Variants in CCND3 observed in about 807,000 individuals in gnomAD.
CCND3 encodes cyclin D3.
A neutral mutation model predicts 28.7 loss-of-function variants in CCND3; 9 were observed. The observed-to-expected ratio is 0.31, with a 90% CI of 0.19 to 0.55. The LOEUF is 0.55. Ranked by LOEUF, CCND3 falls within the 20% of genes least tolerant of loss-of-function variation. CCND3 has a pLI of 0.93. For missense variants in CCND3, 315 were observed against 385.8 expected (o/e 0.82, Z 1.54); for synonymous variants, 164 against 163.9 (o/e 1.00, Z 0.00).
chr6:42,005,880 TCA>T (rs1039775611), intron 1 of CCND3, among the ~76,000 whole-genome samples: 1 of 152,036 alleles, frequency 6.6e-6, no homozygotes. Flanking sequence ...AGACGGGGTT[TCA>T]CCATGTTGGC....
chr6:41,979,878 C>A (rs1762290342), intron 1 of CCND3, among the ~76,000 whole-genome samples: 1 of 151,784 alleles, frequency 6.6e-6, no homozygotes, highest in Non-Finnish European at 1.5e-5. Flanking sequence ...TCAAGTGATC[C>A]CCCTGCCTCG....
chr6:41,992,058 G>T (rs1259544280), intron 1 of CCND3, among the ~76,000 whole-genome samples: 1 of 152,186 alleles, frequency 6.6e-6, no homozygotes, highest in Non-Finnish European at 1.5e-5. Flanking sequence ...TAAATACGGA[G>T]GTGTGGATGT....
At chr6:42,009,031 TC>T (rs1304534516) in intron 1 of CCND3, among the ~76,000 whole-genome samples, 1 of 152,004 alleles carries the variant, frequency 6.6e-6, no homozygotes, top group East Asian at 1.9e-4. Context: ...TAAGCCAGAG[TC>T]CCATCCAAAT....
At chr6:42,027,738 T>TTG (rs1554167610) in intron 1 of CCND3, among the ~76,000 whole-genome samples, 2 of 151,728 alleles carry the variant, frequency 1.3e-5, no homozygotes, top group African/African-American at 4.9e-5. Flanking sequence ...CCTCAGTTTT[T>TTG]TTTGTTTGTT....
Position 41,937,319 on chromosome 6 carries a change from T to C in CCND3, c.490A>G (p.Ile164Val), listed in dbSNP as rs1775837008. The C allele has an allele frequency of 1.2e-6, 2 of 1,614,122 alleles. No homozygotes were observed. Among genetic ancestry groups the C allele is most frequent in the Non-Finnish European group, 8.5e-7 (1 of 1,180,018 alleles). The stretch of plus-strand genomic sequence containing the variant: ...CGGGGCAGAGAGAGCCGGTGCAGAA[T>C]GAAGGCCAGGAAATCATGTGCAATC... ...AVIAHDFLAF[I>V]LHRLSLPRDR... Residue 164 changes from isoleucine to valine, a missense_variant, in exon 3 of 5, where the codon ATT (isoleucine) becomes GTT (valine). Physicochemically the swap from Ile to Val is conservative, Grantham distance 29. Transcript: ENST00000372991.
intron 1 of CCND3, among the ~76,000 whole-genome samples, chr6:41,996,198 G>T (rs1762801918): frequency 6.7e-6 from 1 of 149,962 alleles, no homozygotes; most frequent in African/African-American, 2.5e-5. Context: ...CACCCAGGCT[G>T]GAGTGCACTG....
chr6:41,964,478 G>GTGAA (rs1761820248), intron 1 of CCND3, among the ~76,000 whole-genome samples: 2 of 115,050 alleles, frequency 1.7e-5, no homozygotes, highest in East Asian at 5.6e-4. Context: ...GTGTGTGAGT[G>GTGAA]TGTGTGAATG....
rs58133117 is a variant in CCND3, at chr6:41,952,811, A to AGTGTGTGTGTGT, written c.-45-12238_-45-12227dup. 7.8e-4 allele frequency among the ~76,000 whole-genome samples: 118 copies of AGTGTGTGTGTGT among 150,836 alleles called. 1 individual carries two copies. The highest frequency in any genetic ancestry group is 2.6e-3 in the African/African-American group (107 of 41,156). On this transcript the variant is annotated intron_variant, in intron 1 of 4. Transcript: ENST00000372988. ...TGCTCATTTTAAAGTAGTGAGTGTG[A>AGTGTGTGTGTGT]GTGTGTGTGTGTGTGTGTGTGACAT...
rs528396274 is a variant in CCND3, at chr6:41,998,710, G to A, written c.-46+49791C>T. On this transcript the variant is annotated intron_variant, in intron 1 of 4. Coordinates refer to the CCND3 transcript ENST00000372988. The stretch of plus-strand genomic sequence containing the variant: ...TTTTTTTTTTTTGAGACAGAGTTTC[G>A]CTCTTGTTGTCCAGGCTGGGGTGCA... 9.5e-4 allele frequency among the ~76,000 whole-genome samples: 142 copies of A among 150,220 alleles called. 1 individual carries two copies. Among genetic ancestry groups the A allele is most frequent in the Non-Finnish European group, 1.3e-3 (90 of 67,750 alleles).
At chr6:42,017,908 T>G (rs1039616206) in intron 1 of CCND3, among the ~76,000 whole-genome samples, 3 of 152,126 alleles carry the variant, frequency 2.0e-5, no homozygotes, top group African/African-American at 7.2e-5. Flanking sequence ...CCCGGCACTT[T>G]GGGAGGCCGA....
chr6:41,944,521 A>G (rs569864849), upstream of CCND3, among the ~76,000 whole-genome samples: 3 of 152,072 alleles, frequency 2.0e-5, no homozygotes, highest in East Asian at 5.8e-4. Flanking sequence ...TCCTGGTTTC[A>G]AGTGATTCTC....
chr6:42,044,788 T>TTTATTTA (rs1263444658), intron 1 of CCND3, among the ~76,000 whole-genome samples: 2 of 149,296 alleles, frequency 1.3e-5, no homozygotes, highest in East Asian at 2.0e-4. Context: ...TTTCCTTTTA[T>TTTATTTA]TTATTTATTT....
At chr6:42,005,696 T>A (rs1763156589) in intron 1 of CCND3, among the ~76,000 whole-genome samples, 2 of 151,970 alleles carry the variant, frequency 1.3e-5, no homozygotes, top group Admixed American at 1.3e-4. Context: ...CATTTCTTAT[T>A]TTTTTGAGAT....
At chr6:41,967,631 C>T (rs1006684340) in intron 1 of CCND3, among the ~76,000 whole-genome samples, 2 of 152,188 alleles carry the variant, frequency 1.3e-5, no homozygotes, top group Admixed American at 6.5e-5. Flanking sequence ...ATCCATCTCC[C>T]GCAGCAGCTG....
At chr6:42,020,342 G>A (rs2127432718) in intron 1 of CCND3, among the ~76,000 whole-genome samples, 1 of 152,310 alleles carries the variant, frequency 6.6e-6, no homozygotes, top group Middle Eastern at 3.4e-3. Flanking sequence ...ATGAATGCAC[G>A]TTTCCCTAGC....
chr6:42,006,034 T>G (rs962186155), intron 1 of CCND3, among the ~76,000 whole-genome samples: 29 of 151,626 alleles, frequency 1.9e-4, no homozygotes, highest in African/African-American at 4.6e-4. Context: ...GGGTGTGGTG[T>G]TGTGTGCCTG....
intron 1 of CCND3, among the ~76,000 whole-genome samples, chr6:41,971,016 C>T (rs1762020197): frequency 6.6e-6 from 1 of 152,044 alleles, no homozygotes; most frequent in African/African-American, 2.4e-5. Context: ...CTTACAGGTT[C>T]AAACGATTCT....
At chr6:42,045,046 C>T (rs1222684492) in intron 1 of CCND3, among the ~76,000 whole-genome samples, 2 of 151,068 alleles carry the variant, frequency 1.3e-5, no homozygotes, top group Non-Finnish European at 2.9e-5. Flanking sequence ...CCTCGTGATC[C>T]GCCCACCTTG....
intron 1 of CCND3, among the ~76,000 whole-genome samples, chr6:42,016,746 G>A (rs548320403): frequency 1.1e-4 from 16 of 151,938 alleles, no homozygotes; most frequent in South Asian, 8.3e-4. Context: ...CATCATGCCC[G>A]GCTAATTTTT....
Sources: gnomAD v4.1 joint callset for allele counts (sites outside exome capture counted in the v4.1 genomes callset) on GRCh38, gnomAD v4.1.1 for gene constraint, MANE v1.5 for transcripts, NCBI Gene and HGNC (gene_info 2026-07-23, HGNC 2026-07-21) for gene names.